The following ALPK1 variants were observed in gnomAD, a reference collection of about 807,000 sequenced individuals.
ALPK1 encodes the protein alpha-protein kinase 1.
A neutral mutation model predicts 120.6 loss-of-function variants in ALPK1; 110 were observed. The ratio of observed to expected loss-of-function variants is 0.91; its 90% CI spans 0.78 to 1.07. The LOEUF (loss-of-function observed/expected upper bound fraction) is 1.07. Among genes scored for constraint, ALPK1 ranks in the 50% least tolerant of loss-of-function variants. The probability of loss-of-function intolerance (pLI) is 0.00; values close to 1 mark genes in which losing one functional copy is unlikely to be tolerated. For missense variants in ALPK1, 1,498 were observed against 1,483.9 expected, an observed-to-expected ratio of 1.01 and a Z score of -0.16; for synonymous variants, 582 against 560.3, an observed-to-expected ratio of 1.04 and a Z score of -0.55.
chr4:112,432,050 A>G lies in ALPK1; in HGVS notation c.2503A>G (p.Ser835Gly). The change falls in exon 11 of 16, where the codon AGT becomes GGT. Residue 835 changes from serine (S) to glycine (G), a missense_variant. Coordinates refer to ENST00000650871, the MANE Select transcript of ALPK1 (RefSeq NM_025144.4). Reference protein sequence around the residue: ...WPVQNPDSRKSGGPVAEQGID... With the variant: ...WPVQNPDSRKGGGPVAEQGID... ...TGTTCAAAATCCTGACTCCAGAAAAAGTGGTGGCCCAGTCGCAGAGCAGGG... is the reference window on the plus strand; with the variant it reads ...TGTTCAAAATCCTGACTCCAGAAAAGGTGGTGGCCCAGTCGCAGAGCAGGG... 1.9e-6 allele frequency: 3 copies of G among 1,614,016 alleles called. No homozygotes were observed. In the South Asian group the frequency reaches 3.3e-5, roughly 18 times the overall value.
chr4:112,374,373 C>T (rs531327861), intron 2 of ALPK1, among the ~76,000 whole-genome samples: 2 of 152,200 alleles, frequency 1.3e-5, no homozygotes, highest in Admixed American at 1.3e-4. Context: ...TTCTAGTTCT[C>T]TTGCTATTTC....
chr4:112,409,859 A>T (rs1251676375), intron 4 of ALPK1, among the ~76,000 whole-genome samples: 1 of 152,220 alleles, frequency 6.6e-6, no homozygotes, highest in East Asian at 1.9e-4. Flanking sequence ...TCTCCCCAAC[A>T]GTTGGCAATT....
intron 1 of ALPK1, among the ~76,000 whole-genome samples, chr4:112,307,236 G>C (rs1348706679): frequency 6.6e-6 from 1 of 152,040 alleles, no homozygotes; most frequent in Non-Finnish European, 1.5e-5. Flanking sequence ...TGTTGATTTG[G>C]GGTGGAGAGT....
At chr4:112,429,596 G>A (rs1250704629) in intron 10 of ALPK1, among the ~76,000 whole-genome samples, 1 of 152,124 alleles carries the variant, frequency 6.6e-6, no homozygotes, top group African/African-American at 2.4e-5. Flanking sequence ...CACTTTGGGA[G>A]GCCAAGGTAG....
intron 5 of ALPK1, among the ~76,000 whole-genome samples, chr4:112,418,253 G>A (rs760580846): frequency 6.6e-6 from 1 of 152,152 alleles, no homozygotes; most frequent in African/African-American, 2.4e-5. Context: ...GGCCAAACTC[G>A]CTGGAAACCC....
intron 2 of ALPK1, among the ~76,000 whole-genome samples, chr4:112,322,910 A>G (rs1284551799): frequency 6.6e-6 from 1 of 152,256 alleles, no homozygotes; most frequent in East Asian, 1.9e-4. Context: ...ACAGCAATAA[A>G]GTACTTTGCC....
At chr4:112,405,273 G>A (rs1190722877) in intron 4 of ALPK1, among the ~76,000 whole-genome samples, 1 of 152,146 alleles carries the variant, frequency 6.6e-6, no homozygotes, top group African/African-American at 2.4e-5. Flanking sequence ...GTAGCTCACT[G>A]TGAGGAGTGC....
At chr4:112,438,439 A>C (rs1367265539) in intron 12 of ALPK1, 45 bp from the exon 13 acceptor site, 2 of 1,596,122 alleles carry the variant, frequency 1.3e-6, no homozygotes, top group East Asian at 4.5e-5. Context: ...CATAGTAAGT[A>C]AGACCACTTT....
chr4:112,337,733 G>A (rs1480130966), intron 2 of ALPK1, among the ~76,000 whole-genome samples: 1 of 151,846 alleles, frequency 6.6e-6, no homozygotes, highest in Non-Finnish European at 1.5e-5. Flanking sequence ...AGGAAAGAAA[G>A]AAATTTCCAA....
chr4:112,356,533 T>C (rs1172288115), intron 2 of ALPK1: 2 of 850,166 alleles, frequency 2.4e-6, no homozygotes, highest in Non-Finnish European at 2.0e-6. Flanking sequence ...CGGCCTGAGG[T>C]GTGTGTGCTG....
At chr4:112,390,749 G>C (rs548433411) in intron 4 of ALPK1, among the ~76,000 whole-genome samples, 1 of 152,316 alleles carries the variant, frequency 6.6e-6, no homozygotes, top group African/African-American at 2.4e-5. Flanking sequence ...TGGTCAGGAG[G>C]ATAATGCCCA....
In ALPK1 at chr4:112,439,797, A is replaced by G. The variant is rs1267755803; in HGVS notation, c.3463A>G (p.Thr1155Ala). The G allele has an allele frequency of 6.2e-7, 1 of 1,613,560 alleles. No individual in the cohort carries two copies. Among genetic ancestry groups the G allele is most frequent in the African/African-American group, 1.3e-5 (1 of 75,056 alleles). The change falls in exon 14 of 16, where the codon ACA (threonine) becomes GCA (alanine). Residue 1155 changes from threonine (T) to alanine (A), a missense_variant. Physicochemically the swap from Thr to Ala is moderately conservative, Grantham distance 58. Coordinates refer to ENST00000650871, the MANE Select transcript of ALPK1 (RefSeq NM_025144.4). ...TKVVKTEYKA[T>A]EYGLAYGHFS... ...AGTGGTGAAAACAGAATACAAAGCC[A>G]CAGAATATGGCTTGGCCTATGGCCA...
intron 5 of ALPK1, chr4:112,412,518 C>A: frequency 2.3e-6 from 1 of 431,008 alleles, no homozygotes; most frequent in Non-Finnish European, 4.6e-6. Flanking sequence ...CTGATTAGGT[C>A]TTAAAGTATC....
chr4:112,431,557 C>T lies in ALPK1; in HGVS notation c.2010C>T (p.Pro670=), dbSNP rs1350682744. 1 of 1,614,202 alleles carries T rather than the reference C, an allele frequency of 6.2e-7. No homozygotes were observed. The highest frequency in any genetic ancestry group is 1.3e-5 in the African/African-American group (1 of 75,052). ...AAAATCAGCCACAGCAACAGATGCC[C>T]TTGACACCCTTCTCGCCTCATAATA... ...PSQNQPQQQM[P]LTPFSPHNTP... is the part of the protein sequence containing the mutation. The change falls in exon 11 of 16, where the codon CCC becomes CCT. Residue 670 remains proline (P), a synonymous_variant. Coordinates refer to ENST00000650871, the MANE Select transcript of ALPK1 (RefSeq NM_025144.4).
chr4:112,389,528 C>A (rs1411600570), intron 4 of ALPK1, among the ~76,000 whole-genome samples: 4 of 152,198 alleles, frequency 2.6e-5, no homozygotes, highest in Admixed American at 1.3e-4. Context: ...AAGGCTGCAA[C>A]AATTGTATTT....
At chr4:112,374,665 A>ATG (rs1276380939) in intron 2 of ALPK1, among the ~76,000 whole-genome samples, 11 of 152,246 alleles carry the variant, frequency 7.2e-5, no homozygotes, top group Non-Finnish European at 1.6e-4. Context: ...TCTAAGACTT[A>ATG]AAAGTTGAAA....
At chr4:112,317,479 C>T (rs1249306453) in intron 2 of ALPK1, among the ~76,000 whole-genome samples, 1 of 152,140 alleles carries the variant, frequency 6.6e-6, no homozygotes, top group African/African-American at 2.4e-5. Context: ...TTTCCCAATA[C>T]CGTTTGTTGG....
chr4:112,399,359 TA>T (rs1253740254), intron 4 of ALPK1, among the ~76,000 whole-genome samples: 1 of 152,170 alleles, frequency 6.6e-6, no homozygotes, highest in Admixed American at 6.5e-5. Context: ...GGAGTTTGAA[TA>T]ATATGAGAAT....
intron 5 of ALPK1, among the ~76,000 whole-genome samples, 161 bp downstream of exon 5, chr4:112,412,186 C>G (rs541098605): frequency 6.6e-6 from 1 of 152,290 alleles, no homozygotes; most frequent in South Asian, 2.1e-4. Context: ...CCCTTCCACC[C>G]GCCTCTTTGC....
Sources: gnomAD v4.1 joint callset for allele counts (sites outside exome capture counted in the v4.1 genomes callset) on GRCh38, gnomAD v4.1.1 for gene constraint, MANE v1.5 for transcripts, NCBI Gene and HGNC (gene_info 2026-07-23, HGNC 2026-07-21) for gene names.